PICK1: variants seen among roughly 807,000 people sequenced by gnomAD.
PICK1 encodes PRKCA-binding protein.
PICK1 carries 23 observed loss-of-function variants against 48.9 expected under a neutral mutation model. That is an observed-to-expected ratio of 0.47 (90% CI 0.34 to 0.67). PICK1 has a LOEUF of 0.67. Ranked by LOEUF, PICK1 falls within the 30% of genes least tolerant of loss-of-function variation. PICK1 has a pLI of 0.01. For synonymous variants in PICK1, 217 were observed against 228.2 expected, an observed-to-expected ratio of 0.95 and a Z score of 0.44; for missense variants, 423 against 557.1, an observed-to-expected ratio of 0.76 and a Z score of 2.42.
intron 3 of PICK1, among the ~76,000 whole-genome samples, chr22:38,060,396 G>A (rs993232797): frequency 2.0e-5 from 3 of 152,190 alleles, no homozygotes; most frequent in Non-Finnish European, 4.4e-5. Flanking sequence ...CTGCTGTGGG[G>A]CCTCCTTCAC....
At position 38,074,564 on chromosome 22, in the gene PICK1, G is replaced by T; in HGVS notation, c.979+113G>T. On this transcript the variant is annotated intron_variant, in intron 12 of 12. Coordinates refer to ENST00000356976, the MANE Select transcript of PICK1 (RefSeq NM_012407.4). This position sits in a 1 kb window ranked among gnomAD's most constrained non-coding sequence, Gnocchi z 4.5. ...GCCCAGATGTAAAGCCCCTCCAGGA[G>T]CCCAGCCATCTGCCCAGAGCCTGGC... 7.0e-7 allele frequency: 1 copy of T among 1,434,538 alleles called. No individual in the cohort carries two copies. The highest frequency in any genetic ancestry group is 9.6e-7 in the Non-Finnish European group (1 of 1,040,450). The allele number at this position is 1,434,538 out of a possible 1,614,324, so 88.9% of individuals were successfully genotyped here.
chr22:38,060,666 C>T (rs2085376937), intron 3 of PICK1, among the ~76,000 whole-genome samples: 1 of 152,114 alleles, frequency 6.6e-6, no homozygotes, highest in Non-Finnish European at 1.5e-5. Context: ...GGCCGTGTGT[C>T]TGCTCAGCCT....
At chr22:38,069,184 G>A in intron 6 of PICK1, 62 bp downstream of exon 6, 2 of 1,224,710 alleles carry the variant, frequency 1.6e-6, no homozygotes, top group Non-Finnish European at 2.4e-6. Flanking sequence ...GAAGAGTGGG[G>A]GGCACCATGG....
chr22:38,068,169 C>T, intron 5 of PICK1: 2 of 464,754 alleles, frequency 4.3e-6, no homozygotes, highest in South Asian at 3.1e-5. Flanking sequence ...GCACAGCGCA[C>T]TCCTCCCTGG....
At chr22:38,059,202 G>GGA in intron 2 of PICK1, 32 bp from the exon 3 acceptor site, 13 of 1,500,306 alleles carry the variant, frequency 8.7e-6, no homozygotes, top group Non-Finnish European at 1.2e-5. Flanking sequence ...CCTTCTGCCA[G>GGA]GAGAGTCAGC....
intron 6 of PICK1, among the ~76,000 whole-genome samples, chr22:38,069,495 C>T (rs1006513145): frequency 6.6e-6 from 1 of 152,232 alleles, no homozygotes; most frequent in Non-Finnish European, 1.5e-5. Context: ...CAGGTCCTCC[C>T]TTCGTGGTGG....
chr22:38,063,153 C>T (rs1418517953), intron 3 of PICK1, among the ~76,000 whole-genome samples: 2 of 151,390 alleles, frequency 1.3e-5, no homozygotes, highest in Non-Finnish European at 2.9e-5. Context: ...TAAAATTTAC[C>T]ATCTTAACTT....
chr22:38,074,201 G>T lies in PICK1; in HGVS notation c.835-106G>T. The T allele has an allele frequency of 7.4e-7, 1 of 1,349,530 alleles. No homozygotes were observed. The highest frequency in any genetic ancestry group is 1.0e-6 in the Non-Finnish European group (1 of 955,184). The allele number at this position is 1,349,530 out of a possible 1,614,324, so 83.6% of individuals were successfully genotyped here. ...CTGAGTGCTTCTGAGAAACACTGAAGTCTCAGAAATGAGGTCTCAGGAATG... is the reference window on the plus strand; with the variant it reads ...CTGAGTGCTTCTGAGAAACACTGAATTCTCAGAAATGAGGTCTCAGGAATG... On this transcript the variant is annotated intron_variant, in intron 11 of 12. Transcript: ENST00000356976. The surrounding 1 kb of genome is among the most constrained non-coding windows in gnomAD (Gnocchi z 4.5).
rs372118021 is a variant in PICK1, at chr22:38,073,069, C to T, written c.760C>T (p.Leu254=). 5 of 1,613,120 alleles carry T rather than the reference C, an allele frequency of 3.1e-6. No homozygotes were observed. The highest frequency in any genetic ancestry group is 1.7e-5 in the Admixed American group (1 of 60,026). The change falls in exon 10 of 13, where the codon CTG becomes TTG. Residue 254 remains leucine (L), a synonymous_variant. Coordinates refer to ENST00000356976, the MANE Select transcript of PICK1 (RefSeq NM_012407.4). This position sits in a 1 kb window ranked among gnomAD's most constrained non-coding sequence, Gnocchi z 5.7. Reference sequence around the variant, plus strand: ...CACTCGCCTCACCATCAAGAAGTACCTGGACGTGAAGTTTGAGTACCTGGT... The same window carrying T: ...CACTCGCCTCACCATCAAGAAGTACTTGGACGTGAAGTTTGAGTACCTGGT... ...PDTRLTIKKY[L]DVKFEYLSYC...
chr22:38,071,630 G>A lies in PICK1; in HGVS notation c.494-52G>A, dbSNP rs1421377353. 19 of 1,538,396 alleles carry A rather than the reference G, an allele frequency of 1.2e-5. No individual in the cohort carries two copies. The East Asian group carries it at 4.3e-4, about 35-fold the overall frequency. The stretch of plus-strand genomic sequence containing the variant: ...CAATTGGAGGCCTTGCCCTGGGCCA[G>A]TGTGGTCCCCGCCATGCGTCCCCAT... On this transcript the variant is annotated intron_variant, in intron 7 of 12. Coordinates refer to ENST00000356976, the MANE Select transcript of PICK1 (RefSeq NM_012407.4).
Position 38,073,742 on chromosome 22 carries a change from C to G in PICK1, c.784-31C>G. ...TGGGGACCTGGGGTGGGGGTAGTAGCCACTCTGACAGCCTCACCTGTCCCA... is the reference window on the plus strand; with the variant it reads ...TGGGGACCTGGGGTGGGGGTAGTAGGCACTCTGACAGCCTCACCTGTCCCA... On this transcript the variant is annotated intron_variant, in intron 10 of 12. Transcript: ENST00000356976. The surrounding 1 kb of genome is among the most constrained non-coding windows in gnomAD (Gnocchi z 5.7). 1 of 1,608,116 alleles carries G rather than the reference C, an allele frequency of 6.2e-7. No homozygotes were observed. Among genetic ancestry groups the G allele is most frequent in the Non-Finnish European group, 8.5e-7 (1 of 1,175,384 alleles).
rs2085774516 is a variant in PICK1, at chr22:38,074,266, GC to G, written c.835-39del. 1.2e-6 allele frequency: 2 copies of G among 1,610,404 alleles called. No individual in the cohort carries two copies. Among genetic ancestry groups the G allele is most frequent in the Non-Finnish European group, 1.7e-6 (2 of 1,178,522 alleles). On this transcript the variant is annotated intron_variant, in intron 11 of 12. Transcript: ENST00000356976. This position sits in a 1 kb window ranked among gnomAD's most constrained non-coding sequence, Gnocchi z 4.5. ...CTTTGAAAGCACAGTGCGGTGCGAGGCCGTCCCTGAGCAGGCACTCCTGTCC... is the reference window on the plus strand; with the variant it reads ...CTTTGAAAGCACAGTGCGGTGCGAGGCGTCCCTGAGCAGGCACTCCTGTCC...
rs563856033 is a variant in PICK1, at chr22:38,073,852, T to C, written c.834+29T>C. Reference sequence around the variant, plus strand: ...AGTGTTGGAGGGGGTGGGGGGCTTGTACTTCCCCCCACCTGGTCTGCCAGG... The same window carrying C: ...AGTGTTGGAGGGGGTGGGGGGCTTGCACTTCCCCCCACCTGGTCTGCCAGG... On this transcript the variant is annotated intron_variant, in intron 11 of 12. Coordinates refer to ENST00000356976, the MANE Select transcript of PICK1 (RefSeq NM_012407.4). This position sits in a 1 kb window ranked among gnomAD's most constrained non-coding sequence, Gnocchi z 5.7. 29 of 1,601,902 alleles carry C rather than the reference T, an allele frequency of 1.8e-5. No homozygotes were observed. Among genetic ancestry groups the C allele is most frequent in the Non-Finnish European group, 3.4e-6 (4 of 1,169,642 alleles).
At chr22:38,068,599 C>T (rs887418858) in intron 5 of PICK1, among the ~76,000 whole-genome samples, 7 of 152,156 alleles carry the variant, frequency 4.6e-5, no homozygotes, top group Non-Finnish European at 8.8e-5. Flanking sequence ...GTCTGGGGTC[C>T]GAGCTTCATG....
At chr22:38,058,946 G>A (rs1247253939) in intron 2 of PICK1, among the ~76,000 whole-genome samples, 1 of 152,204 alleles carries the variant, frequency 6.6e-6, no homozygotes, top group Non-Finnish European at 1.5e-5. Context: ...GGCGGAGGTT[G>A]CAGTGAGCCG....
At position 38,073,779 on chromosome 22, in the gene PICK1, T is replaced by G; in HGVS notation, c.790T>G (p.Cys264Gly). ...CCTCACCTGTCCCACACAGTCGTAC[T>G]GCCTGAAGGTGAAGGAGATGGATGA... ...LDVKFEYLSY[C>G]LKVKEMDDEE... Residue 264 changes from cysteine to glycine, a missense_variant, in exon 11 of 13, where the codon TGC (cysteine) becomes GGC (glycine). Physicochemically the swap from Cys to Gly is radical, Grantham distance 159. Around this residue, in one of 2 missense-constraint regions of PICK1, gnomAD observed 279 missense variants for 417.8 expected, o/e 0.67. Transcript: ENST00000356976. The surrounding 1 kb of genome is among the most constrained non-coding windows in gnomAD (Gnocchi z 5.7). The G allele has an allele frequency of 6.2e-7, 1 of 1,613,456 alleles. No individual in the cohort carries two copies. Among genetic ancestry groups the G allele is most frequent in the Non-Finnish European group, 8.5e-7 (1 of 1,179,954 alleles).
At chr22:38,062,036 A>C (rs981248688) in intron 3 of PICK1, among the ~76,000 whole-genome samples, 6 of 152,182 alleles carry the variant, frequency 3.9e-5, no homozygotes, top group African/African-American at 1.4e-4. Context: ...TGTTGTAGGC[A>C]CTAGGGATAA....
At position 38,057,745 on chromosome 22, in the gene PICK1, G is replaced by C; in HGVS notation, c.-57-8G>C. On this transcript the variant is annotated splice_polypyrimidine_tract_variant and splice_region_variant and intron_variant, in intron 1 of 12. Coordinates refer to ENST00000356976, the MANE Select transcript of PICK1 (RefSeq NM_012407.4). Reference sequence around the variant, plus strand: ...TAAATCCTATGCTCCTTTCTCTCCCGGATCCAGTTCCCCATTCCCCTACCG... The same window carrying C: ...TAAATCCTATGCTCCTTTCTCTCCCCGATCCAGTTCCCCATTCCCCTACCG... 6.9e-7 allele frequency: 1 copy of C among 1,444,730 alleles called. No individual in the cohort carries two copies. The highest frequency in any genetic ancestry group is 9.7e-7 in the Non-Finnish European group (1 of 1,025,988). The allele number at this position is 1,444,730 out of a possible 1,614,324, so 89.5% of individuals were successfully genotyped here.
intron 7 of PICK1, among the ~76,000 whole-genome samples, chr22:38,071,322 C>A (rs2085684831): frequency 6.6e-6 from 1 of 152,110 alleles, no homozygotes; most frequent in African/African-American, 2.4e-5. Flanking sequence ...CTAGTCTGGG[C>A]AATAGAGCAA....
Sources: gnomAD v4.1 joint callset for allele counts (sites outside exome capture counted in the v4.1 genomes callset) on GRCh38, gnomAD v4.1.1 for gene constraint, gnomAD v4.1.1 regional missense constraint, Gnocchi (gnomAD v3.1) non-coding constraint, MANE v1.5 for transcripts, NCBI Gene and HGNC (gene_info 2026-07-23, HGNC 2026-07-21) for gene names.